Variants in IL3RA observed in about 807,000 individuals in gnomAD.
The protein encoded by IL3RA is interleukin 3 receptor subunit alpha.
IL3RA carries 73 observed loss-of-function variants against 52.3 expected under a neutral mutation model. That is an observed-to-expected ratio of 1.40 (90% CI 1.16 to 1.70). The LOEUF (loss-of-function observed/expected upper bound fraction) is 1.70. Among genes scored for constraint, IL3RA ranks in the 40% most tolerant of loss-of-function variants. The probability of loss-of-function intolerance (pLI) is 0.00; values close to 1 mark genes in which losing one functional copy is unlikely to be tolerated. For missense variants in IL3RA, 664 were observed against 504.4 expected (o/e 1.32, Z -3.03); for synonymous variants, 260 against 194.0 (o/e 1.34, Z -2.83).
chrX:1,345,026 G>T (rs1228025714), intron 2 of IL3RA, among the ~76,000 whole-genome samples: 3 of 138,128 alleles, frequency 2.2e-5, no homozygotes, highest in Non-Finnish European at 4.9e-5. Flanking sequence ...AAAATTAGCC[G>T]GGCGTGGTGG....
At chrX:1,351,006 C>T (rs1181764106) in intron 4 of IL3RA, among the ~76,000 whole-genome samples, 3 of 150,736 alleles carry the variant, frequency 2.0e-5, no homozygotes, top group African/African-American at 7.3e-5. Flanking sequence ...CAGGAATTCG[C>T]GACCAGTCTG....
At chrX:1,348,668 T>TTCTTTC (rs1267083713) in intron 4 of IL3RA, 123 bp downstream of exon 4, 2 of 462,890 alleles carry the variant, frequency 4.3e-6, no homozygotes, top group East Asian at 3.3e-5. Context: ...CTTTCTTTCT[T>TTCTTTC]TCTTTCTTTC....
intron 7 of IL3RA, among the ~76,000 whole-genome samples, chrX:1,357,454 G>A (rs751607065): frequency 2.6e-5 from 4 of 151,918 alleles, no homozygotes; most frequent in Admixed American, 6.6e-5. Context: ...TCCGCCTCTC[G>A]GGTTCAACCA....
intron 4 of IL3RA, among the ~76,000 whole-genome samples, chrX:1,349,777 C>A (rs1426804810): frequency 6.6e-6 from 1 of 152,042 alleles, no homozygotes; most frequent in Non-Finnish European, 1.5e-5. Flanking sequence ...ATTCTCCTGC[C>A]TCAGCCTCAC....
At chrX:1,359,999 C>G (rs1242320121) in intron 8 of IL3RA, among the ~76,000 whole-genome samples, 4 of 150,392 alleles carry the variant, frequency 2.7e-5, no homozygotes, top group African/African-American at 9.8e-5. Flanking sequence ...ATCTTTCTCT[C>G]TCTCCCCCGG....
intron 8 of IL3RA, among the ~76,000 whole-genome samples, chrX:1,363,862 G>A (rs2087691568): frequency 6.6e-6 from 1 of 151,590 alleles, no homozygotes; most frequent in African/African-American, 2.4e-5. Context: ...TGAAACTACA[G>A]GCGTTTGCCA....
rs1205584294 is a variant in IL3RA at position 1,379,153 on chromosome X, T to C, written c.980+389T>C. On this transcript the variant is annotated intron_variant, in intron 10 of 11. Transcript: ENST00000331035. ...CCACCTCGCCTGGCCCATATTATTA[T>C]TATTGTTATGATTATTATTATTTTT... 2.7e-5 allele frequency among the ~76,000 whole-genome samples: 4 copies of C among 147,698 alleles called. No individual in the cohort carries two copies. The East Asian group carries it at 8.1e-4, about 30-fold the overall frequency.
intron 2 of IL3RA, among the ~76,000 whole-genome samples, chrX:1,342,398 A>C (rs1189661319): frequency 7.2e-5 from 11 of 151,964 alleles, no homozygotes; most frequent in Middle Eastern, 3.4e-3. Flanking sequence ...ACTGCTGACC[A>C]CAAGTGATCC....
chrX:1,356,819 T>C (rs1196107848), intron 7 of IL3RA, among the ~76,000 whole-genome samples: 1 of 152,120 alleles, frequency 6.6e-6, no homozygotes, highest in African/African-American at 2.4e-5. Flanking sequence ...TTGTTTTTTA[T>C]TTTTATTATT....
chrX:1,364,425 A>AG lies in IL3RA; in HGVS notation c.760-711dup, dbSNP rs1323511906. On this transcript the variant is annotated intron_variant, in intron 8 of 11. Coordinates refer to ENST00000331035, the MANE Select transcript of IL3RA (RefSeq NM_002183.4). ...AGAATCGCTTGAATCTGGGAGGCGG[A>AG]GGTTGCGGTGAGCCGAGTTGGTGCC... 5.3e-5 allele frequency among the ~76,000 whole-genome samples: 8 copies of AG among 152,186 alleles called. No individual in the cohort carries two copies. In the East Asian group the frequency reaches 1.5e-3, roughly 29 times the overall value.
At chrX:1,378,852 A>G in intron 10 of IL3RA, 88 bp downstream of exon 10, 1 of 1,251,858 alleles carries the variant, frequency 8.0e-7, no homozygotes, top group South Asian at 1.2e-5. Context: ...AATTATCATT[A>G]TTATTTTTGT....
At chrX:1,344,769 G>A (rs1318125787) in intron 2 of IL3RA, among the ~76,000 whole-genome samples, 14 of 150,574 alleles carry the variant, frequency 9.3e-5, no homozygotes, top group African/African-American at 2.7e-4. Flanking sequence ...GCAAAACTCC[G>A]TCTCAAAAAA....
At chrX:1,379,657 G>A (rs1287634313) in intron 10 of IL3RA, among the ~76,000 whole-genome samples, 2 of 152,230 alleles carry the variant, frequency 1.3e-5, no homozygotes, top group Admixed American at 1.3e-4. Flanking sequence ...TTCTGGTCGG[G>A]AAGGGGCCTG....
intron 4 of IL3RA, among the ~76,000 whole-genome samples, chrX:1,349,726 G>A (rs756971820): frequency 1.4e-4 from 22 of 151,912 alleles, no homozygotes; most frequent in Admixed American, 3.3e-4. Context: ...GCAGTGGTGC[G>A]ATTTCAGCTT....
At chrX:1,357,117 T>C (rs1283879916) in intron 7 of IL3RA, among the ~76,000 whole-genome samples, 2 of 151,962 alleles carry the variant, frequency 1.3e-5, no homozygotes, top group East Asian at 3.9e-4. Flanking sequence ...CACACCCAGC[T>C]AAGTTTTTGT....
intron 1 of IL3RA, among the ~76,000 whole-genome samples, chrX:1,340,415 C>A (rs1162454981): frequency 6.6e-6 from 1 of 152,148 alleles, no homozygotes; most frequent in African/African-American, 2.4e-5. Context: ...TGCACCCAGC[C>A]GGCAGGGCTT....
intron 2 of IL3RA, among the ~76,000 whole-genome samples, chrX:1,344,826 G>A (rs1603443207): frequency 6.6e-6 from 1 of 151,158 alleles, no homozygotes; most frequent in African/African-American, 2.4e-5. Context: ...AAAGGTATTG[G>A]CTAACTCCAC....
At position 1,341,789 on chromosome X, in the gene IL3RA, G is replaced by A. The variant is rs759856931; in HGVS notation, c.24G>A (p.Leu8=). The A allele has an allele frequency of 6.2e-7, 1 of 1,613,948 alleles. No individual in the cohort carries two copies. Reference sequence around the variant, plus strand: ...CGATGGTCCTCCTTTGGCTCACGCTGCTCCTGATCGCCCTGCCCTGTCTCC... The same window carrying A: ...CGATGGTCCTCCTTTGGCTCACGCTACTCCTGATCGCCCTGCCCTGTCTCC... MVLLWLT[L]LLIALPCLLQ... is the part of the protein sequence containing the mutation. The change falls in exon 2 of 12, where the codon CTG becomes CTA. Residue 8 remains leucine (L), a synonymous_variant. Transcript: ENST00000331035.
At chrX:1,363,566 G>A (rs1465130862) in intron 8 of IL3RA, among the ~76,000 whole-genome samples, 41 of 150,786 alleles carry the variant, frequency 2.7e-4, no homozygotes, top group Non-Finnish European at 5.6e-4. Flanking sequence ...GGGATTACAG[G>A]CGTGAGCCAC....
Sources: allele counts gnomAD v4.1 joint callset (sites outside exome capture counted in the v4.1 genomes callset), GRCh38; gene constraint gnomAD v4.1.1; transcripts MANE v1.5; gene names NCBI Gene and HGNC (gene_info 2026-07-23, HGNC 2026-07-21).